Variants in CASS4 observed in about 807,000 individuals in gnomAD.
CASS4 encodes the protein Cas scaffold protein family member 4, also known as cas scaffolding protein family member 4.
Under a neutral mutation model 54.2 loss-of-function variants are expected in CASS4, and 22 were observed. That is an observed-to-expected ratio of 0.41 (90% confidence interval 0.29 to 0.58). The LOEUF (loss-of-function observed/expected upper bound fraction) is 0.58. CASS4 is among the 20% of genes least tolerant of loss of function. The probability of loss-of-function intolerance (pLI) is 0.36; values close to 1 mark genes in which losing one functional copy is unlikely to be tolerated. For missense variants in CASS4, 854 were observed against 986.7 expected (o/e 0.87, Z 1.80); for synonymous variants, 409 against 391.5 (o/e 1.04, Z -0.53).
At chr20:56,428,559 C>T (rs1223786127) in intron 1 of CASS4, among the ~76,000 whole-genome samples, 1 of 152,192 alleles carries the variant, frequency 6.6e-6, no homozygotes, top group Non-Finnish European at 1.5e-5. Context: ...CTGAGCATGC[C>T]ACAGCCTCCA....
intron 1 of CASS4, among the ~76,000 whole-genome samples, chr20:56,424,731 ACT>A (rs1166655079): frequency 8.2e-6 from 1 of 122,086 alleles, no homozygotes; most frequent in Non-Finnish European, 1.6e-5. Flanking sequence ...ACAGAGCGAG[ACT>A]CTGTCTCAAA....
chr20:56,425,552 G>T (rs754283564), intron 1 of CASS4, among the ~76,000 whole-genome samples: 3 of 152,174 alleles, frequency 2.0e-5, no homozygotes, highest in Non-Finnish European at 4.4e-5. Flanking sequence ...CTTCCTGCAT[G>T]TGGCAAACTG....
intron 1 of CASS4, among the ~76,000 whole-genome samples, chr20:56,419,751 T>G (rs548999961): frequency 6.9e-6 from 1 of 144,608 alleles, no homozygotes; most frequent in East Asian, 2.5e-4. Flanking sequence ...CTCTTAAAAC[T>G]CCTCTAGGAG....
Position 56,437,261 on chromosome 20 carries a change from T to C in CASS4, c.134T>C (p.Val45Ala), listed in dbSNP as rs1431629842. Residue 45 changes from valine to alanine, a missense_variant, in exon 2 of 6, where the codon GTG becomes GCG. Transcript: ENST00000679887. The surrounding 1 kb of genome is among the most constrained non-coding windows in gnomAD (Gnocchi z 4.7). ...GDILTILEQH[V>A]PESEGWWKCL... ...ATCCTGACCATTCTGGAGCAACACGTGCCAGAAAGCGAGGGTTGGTGGAAG... is the reference window on the plus strand; with the variant it reads ...ATCCTGACCATTCTGGAGCAACACGCGCCAGAAAGCGAGGGTTGGTGGAAG... 6.2e-7 allele frequency: 1 copy of C among 1,613,814 alleles called. No homozygotes were observed. Among genetic ancestry groups the C allele is most frequent in the Non-Finnish European group, 8.5e-7 (1 of 1,179,928 alleles).
chr20:56,421,856 G>A (rs1840582921), intron 1 of CASS4, among the ~76,000 whole-genome samples: 1 of 152,108 alleles, frequency 6.6e-6, no homozygotes. Context: ...AAAGAGGGAA[G>A]GAAAGGAAAG....
At chr20:56,431,211 A>G (rs1174372431) in intron 1 of CASS4, among the ~76,000 whole-genome samples, 3 of 152,238 alleles carry the variant, frequency 2.0e-5, no homozygotes, top group Non-Finnish European at 4.4e-5. Context: ...TCATAGAAAT[A>G]GGTAATATTA....
chr20:56,414,782 T>TA lies in CASS4; in HGVS notation c.36+2293dup, dbSNP rs1336628036. Among the ~76,000 whole-genome samples the TA allele has an allele frequency of 1.3e-5, 2 of 151,962 alleles. No individual in the cohort carries two copies. The highest frequency in any genetic ancestry group is 4.8e-5 in the African/African-American group (2 of 41,344). On this transcript the variant is annotated intron_variant, in intron 1 of 5. Transcript: ENST00000679887. This position sits in a 1 kb window ranked among gnomAD's most constrained non-coding sequence, Gnocchi z 4.1. ...CAAAATGGTGAAACCCCATCTCTAG[T>TA]AAAAATACAAAAAAATTAGCTGGGC...
chr20:56,424,045 G>T (rs1186051556), intron 1 of CASS4, among the ~76,000 whole-genome samples: 1 of 152,100 alleles, frequency 6.6e-6, no homozygotes, highest in Non-Finnish European at 1.5e-5. Context: ...CACAAAAAAA[G>T]GCAGCAGTTT....
intron 1 of CASS4, among the ~76,000 whole-genome samples, chr20:56,436,084 G>A (rs1980142908): frequency 6.6e-6 from 1 of 151,948 alleles, no homozygotes; most frequent in African/African-American, 2.4e-5. Context: ...AACATTTACT[G>A]AGCATACTCT....
intron 1 of CASS4, among the ~76,000 whole-genome samples, chr20:56,417,624 A>C (rs1979205714): frequency 6.6e-6 from 1 of 152,230 alleles, no homozygotes; most frequent in African/African-American, 2.4e-5. Context: ...CAGTGCCTGC[A>C]CAAAGTAGTT....
At chr20:56,455,627 T>C (rs1440755732) in intron 5 of CASS4, among the ~76,000 whole-genome samples, 1 of 152,178 alleles carries the variant, frequency 6.6e-6, no homozygotes, top group Non-Finnish European at 1.5e-5. Context: ...ACCTATGATC[T>C]TTGTTAAAAC....
chr20:56,451,853 TAAG>T lies in CASS4; in HGVS notation c.682_684del (p.Arg228del), dbSNP rs747737427. The stretch of plus-strand genomic sequence containing the variant: ...GTTCCCCTGATATCAGTGACTACCT[TAAG>T]AAGAGGCGGTTACAGCACATTACCA... On this transcript the variant is annotated inframe_deletion, in exon 5 of 6. Transcript: ENST00000679887. The T allele has an allele frequency of 6.2e-7, 1 of 1,613,828 alleles. No homozygotes were observed. Among genetic ancestry groups the T allele is most frequent in the Non-Finnish European group, 8.5e-7 (1 of 1,179,754 alleles).
chr20:56,443,561 G>A (rs1309878373), intron 2 of CASS4, among the ~76,000 whole-genome samples: 1 of 151,924 alleles, frequency 6.6e-6, no homozygotes, highest in Non-Finnish European at 1.5e-5. Context: ...GAGACCATCA[G>A]GAACAAAGTC....
chr20:56,439,528 T>C (rs770870443), intron 2 of CASS4, among the ~76,000 whole-genome samples: 4 of 151,312 alleles, frequency 2.6e-5, no homozygotes, highest in Non-Finnish European at 5.9e-5. Flanking sequence ...AAAAAATAAT[T>C]AGGCAGGCGT....
Position 56,437,141 on chromosome 20 carries a change from T to G in CASS4, c.37-23T>G, listed in dbSNP as rs758817220. 1 of 1,517,630 alleles carries G rather than the reference T, an allele frequency of 6.6e-7. No individual in the cohort carries two copies. 94.0% of individuals were successfully genotyped at this position (1,517,630 alleles called of 1,614,324 possible). A position where few individuals can be genotyped will look rare whatever the true frequency, so the allele number is the denominator to read the frequency against. ...TGGCCACGGTGCTAACTGCAAATTC[T>G]CTTCTCCCCTCTCCACCCACAGGCA... On this transcript the variant is annotated intron_variant, in intron 1 of 5. Coordinates refer to ENST00000679887, the MANE Select transcript of CASS4 (RefSeq NM_020356.4). The surrounding 1 kb of genome is among the most constrained non-coding windows in gnomAD (Gnocchi z 4.7).
intron 1 of CASS4, among the ~76,000 whole-genome samples, chr20:56,426,179 C>T (rs1979628183): frequency 1.3e-5 from 2 of 152,242 alleles, no homozygotes; most frequent in Admixed American, 6.5e-5. Context: ...CCCAAAACTG[C>T]CTGCATTCCA....
rs752416290 is a variant in CASS4, at chr20:56,412,523, C to T, written c.36+29C>T. 2.5e-6 allele frequency: 4 copies of T among 1,607,904 alleles called. No homozygotes were observed. Among genetic ancestry groups the T allele is most frequent in the Non-Finnish European group, 3.4e-6 (4 of 1,176,754 alleles). On this transcript the variant is annotated intron_variant, in intron 1 of 5. Transcript: ENST00000679887. This position sits in a 1 kb window ranked among gnomAD's most constrained non-coding sequence, Gnocchi z 4.2. ...AGTGATGTGGGGCTGTTTGAATGGGCTCTGGCGGGGAGCAAGCTGTGATGA... is the reference window on the plus strand; with the variant it reads ...AGTGATGTGGGGCTGTTTGAATGGGTTCTGGCGGGGAGCAAGCTGTGATGA...
At chr20:56,436,333 T>TAC (rs1980157606) in intron 1 of CASS4, among the ~76,000 whole-genome samples, 2 of 140,794 alleles carry the variant, frequency 1.4e-5, no homozygotes, top group Non-Finnish European at 3.0e-5. Context: ...GATTGCTATA[T>TAC]ATATGTGTGT....
rs747621928 is a variant in CASS4 at position 56,452,619 on chromosome 20, G to A, written c.1443G>A (p.Arg481=). ...YLEANIDAIH[R]STDHIEESVR... is the part of the protein sequence containing the mutation. Reference sequence around the variant, plus strand: ...AGGCCAACATTGATGCAATCCACAGGTCCACTGATCACATAGAAGAATCTG... The same window carrying A: ...AGGCCAACATTGATGCAATCCACAGATCCACTGATCACATAGAAGAATCTG... The change falls in exon 5 of 6, where the codon AGG becomes AGA. Residue 481 remains arginine (R), a synonymous_variant. Transcript: ENST00000679887. 1.2e-6 allele frequency: 2 copies of A among 1,614,128 alleles called. No individual in the cohort carries two copies. Among genetic ancestry groups the A allele is most frequent in the Middle Eastern group, 1.6e-4 (1 of 6,062 alleles).
Sources: allele counts gnomAD v4.1 joint callset (sites outside exome capture counted in the v4.1 genomes callset), GRCh38; gene constraint gnomAD v4.1.1; non-coding constraint Gnocchi (gnomAD v3.1); transcripts MANE v1.5; gene names NCBI Gene and HGNC (gene_info 2026-07-23, HGNC 2026-07-21).